The following PEX5L variants were observed in gnomAD, a reference collection of about 807,000 sequenced individuals.
PEX5L encodes PEX5-related protein.
In PEX5L, 30 loss-of-function variants were observed where a neutral mutation model predicts 84.0. That is an observed-to-expected ratio of 0.36 (90% CI 0.27 to 0.48). The LOEUF is 0.48. PEX5L is among the 20% of genes least tolerant of loss of function. The pLI is 0.99. For synonymous variants in PEX5L, 270 were observed against 283.1 expected (o/e 0.95, Z 0.46); for missense variants, 533 against 754.6 (o/e 0.71, Z 3.44).
At chr3:179,926,712 C>T (rs901133134) in intron 2 of PEX5L, among the ~76,000 whole-genome samples, 14 of 152,202 alleles carry the variant, frequency 9.2e-5, no homozygotes, top group African/African-American at 3.4e-4. Context: ...TGGGCTTTCT[C>T]CACAACTGCC....
chr3:179,903,194 A>G (rs1761995144), intron 2 of PEX5L, among the ~76,000 whole-genome samples: 1 of 152,108 alleles, frequency 6.6e-6, no homozygotes, highest in Admixed American at 6.6e-5. Flanking sequence ...ATACATGTAA[A>G]CAAACTCCTG....
At chr3:179,827,905 C>CA (rs1731134661) in intron 8 of PEX5L, among the ~76,000 whole-genome samples, 1 of 152,212 alleles carries the variant, frequency 6.6e-6, no homozygotes, top group Admixed American at 6.5e-5. Context: ...AACTAGGCTT[C>CA]AATCCCAGGT....
intron 1 of PEX5L, chr3:179,973,201 A>C: frequency 7.8e-7 from 1 of 1,289,014 alleles, no homozygotes; most frequent in Non-Finnish European, 1.0e-6. Flanking sequence ...ACAAAAGGGC[A>C]TTAAGTAGAG....
intron 10 of PEX5L, among the ~76,000 whole-genome samples, chr3:179,813,976 A>ATT (rs71182520): frequency 3.2e-4 from 42 of 132,160 alleles, no homozygotes; most frequent in Non-Finnish European, 5.2e-4. Context: ...GCGCCCGGCC[A>ATT]TTTTTTTTTT....
chr3:179,971,535 G>A, intron 2 of PEX5L, 59 bp downstream of exon 2: 1 of 1,536,946 alleles, frequency 6.5e-7, no homozygotes, highest in Non-Finnish European at 8.8e-7. Context: ...CACTCAAAAG[G>A]CTTTAGTCAT....
intron 4 of PEX5L, among the ~76,000 whole-genome samples, chr3:179,887,214 C>G (rs1171309627): frequency 1.3e-5 from 2 of 152,234 alleles, no homozygotes; most frequent in East Asian, 3.9e-4. Context: ...AAAATGAAAC[C>G]GGCTCTATAC....
chr3:179,803,627 A>G (rs1210831779), intron 14 of PEX5L, among the ~76,000 whole-genome samples: 1 of 152,224 alleles, frequency 6.6e-6, no homozygotes, highest in Non-Finnish European at 1.5e-5. Flanking sequence ...AAGAATAATC[A>G]TGCCACTTTA....
intron 2 of PEX5L, among the ~76,000 whole-genome samples, chr3:179,924,148 G>T (rs944766065): frequency 5.3e-5 from 8 of 152,178 alleles, no homozygotes; most frequent in Admixed American, 3.9e-4. Flanking sequence ...GGATAGGTTT[G>T]ACCTAGACCA....
At chr3:179,996,271 G>C (rs945238038) in intron 1 of PEX5L, among the ~76,000 whole-genome samples, 2 of 152,194 alleles carry the variant, frequency 1.3e-5, no homozygotes, top group East Asian at 3.8e-4. Context: ...GAAATCTGGA[G>C]AGCAGGCATG....
intron 9 of PEX5L, among the ~76,000 whole-genome samples, chr3:179,818,496 T>A (rs935268885): frequency 6.6e-6 from 1 of 152,184 alleles, no homozygotes; most frequent in Non-Finnish European, 1.5e-5. Flanking sequence ...AAATTATTGT[T>A]GAGTGTAGTC....
Position 179,795,428 on chromosome 3 carries a change from G to A in PEX5L, c.*6400C>T, listed in dbSNP as rs946865455. 1 of 152,140 alleles carries A rather than the reference G, an allele frequency of 6.6e-6. No homozygotes were observed. The highest frequency in any genetic ancestry group is 2.1e-4 in the South Asian group (1 of 4,818). 9.4% of individuals were successfully genotyped at this position (152,140 alleles called of 1,614,324 possible). ...AATATGATAAGAGGTTATTTTTATG[G>A]TAGTAATTTTATTTCAAAGAGCAAC... On this transcript the variant is annotated 3_prime_UTR_variant, in exon 15 of 15. Coordinates refer to ENST00000467460, the MANE Select transcript of PEX5L (RefSeq NM_016559.3).
intron 2 of PEX5L, among the ~76,000 whole-genome samples, chr3:179,913,411 A>G (rs1765874980): frequency 6.6e-6 from 1 of 152,242 alleles, no homozygotes; most frequent in South Asian, 2.1e-4. Context: ...TAAAGATCTT[A>G]TTGCAAATTA....
At chr3:179,848,482 A>G (rs1424335170) in intron 8 of PEX5L, among the ~76,000 whole-genome samples, 1 of 147,526 alleles carries the variant, frequency 6.8e-6, no homozygotes, top group Non-Finnish European at 1.5e-5. Context: ...GCCTGGAAGG[A>G]GGCGAGGCTG....
chr3:179,830,549 C>T (rs537801319), intron 8 of PEX5L, among the ~76,000 whole-genome samples: 1 of 152,284 alleles, frequency 6.6e-6, no homozygotes, highest in Non-Finnish European at 1.5e-5. Context: ...TAATATACAG[C>T]TATTCGTGCC....
intron 2 of PEX5L, among the ~76,000 whole-genome samples, chr3:179,967,552 A>G (rs1783656387): frequency 6.6e-6 from 1 of 152,152 alleles, no homozygotes. Context: ...CAAGATTACC[A>G]GATTTCCATG....
chr3:179,968,723 C>G (rs11715306), intron 2 of PEX5L, among the ~76,000 whole-genome samples: 44,613 of 109,752 alleles, frequency 0.41, 7,265 homozygotes, highest in East Asian at 0.69. Context: ...GTGTGTGTGT[C>G]TGTGTGTGTC....
At chr3:179,861,049 C>T (rs13097749) in intron 7 of PEX5L, among the ~76,000 whole-genome samples, 13,400 of 152,142 alleles carry the variant, frequency 0.088, 816 homozygotes, top group Non-Finnish European at 0.14. Context: ...TAATTATGAC[C>T]GTAAACAACA....
At position 179,833,581 on chromosome 3, in the gene PEX5L, C is replaced by A. The variant is rs1378676879; in HGVS notation, c.823-13605G>T. Among the ~76,000 whole-genome samples the A allele has an allele frequency of 3.9e-5, 6 of 152,142 alleles. No homozygotes were observed. The East Asian group carries it at 1.2e-3, about 29-fold the overall frequency. On this transcript the variant is annotated intron_variant, in intron 8 of 14. Transcript: ENST00000467460. ...TCTCTTGTCACTTAATTTTCTGAGA[C>A]AAACCAAGTTCATTCTGTTTAGAAA...
chr3:179,938,907 G>A (rs1775330022), intron 2 of PEX5L, among the ~76,000 whole-genome samples: 1 of 152,192 alleles, frequency 6.6e-6, no homozygotes, highest in South Asian at 2.1e-4. Flanking sequence ...GGAGTTCAGT[G>A]CACCGTCACT....
Sources: allele counts gnomAD v4.1 joint callset (sites outside exome capture counted in the v4.1 genomes callset), GRCh38; gene constraint gnomAD v4.1.1; transcripts MANE v1.5; gene names NCBI Gene and HGNC (gene_info 2026-07-23, HGNC 2026-07-21).